Variants in YAP1 observed in about 807,000 individuals in gnomAD.
YAP1 encodes transcriptional coactivator YAP1.
In YAP1, 5 loss-of-function variants were observed where a neutral mutation model predicts 56.9. The observed-to-expected ratio is 0.09, with a 90% CI of 0.05 to 0.18. The LOEUF (loss-of-function observed/expected upper bound fraction) is 0.18. Ranked by LOEUF, YAP1 falls within the 10% of genes least tolerant of loss-of-function variation. The probability of loss-of-function intolerance (pLI) is 1.00; values close to 1 mark genes in which losing one functional copy is unlikely to be tolerated. For missense variants in YAP1, 539 were observed against 651.8 expected, an observed-to-expected ratio of 0.83 and a Z score of 1.88; for synonymous variants, 265 against 248.1, an observed-to-expected ratio of 1.07 and a Z score of -0.64.
intron 2 of YAP1, among the ~76,000 whole-genome samples, chr11:102,133,373 G>C (rs997795196): frequency 6.6e-6 from 1 of 152,080 alleles, no homozygotes; most frequent in African/African-American, 2.4e-5. Flanking sequence ...TCAGCTCACT[G>C]CAGCCTCCAC....
chr11:102,213,508 T>C (rs748969448), intron 6 of YAP1, among the ~76,000 whole-genome samples: 2 of 151,794 alleles, frequency 1.3e-5, no homozygotes, highest in African/African-American at 2.4e-5. Flanking sequence ...AAGAATTTGG[T>C]TCTTAATATC....
At chr11:102,186,362 T>C in intron 4 of YAP1, 1 of 419,122 alleles carries the variant, frequency 2.4e-6, no homozygotes, top group Non-Finnish European at 4.3e-6. Flanking sequence ...GGGAATGTCA[T>C]AATGGCCGAC....
At chr11:102,202,569 A>G (rs900786231) in intron 4 of YAP1, among the ~76,000 whole-genome samples, 1 of 152,036 alleles carries the variant, frequency 6.6e-6, no homozygotes, top group Non-Finnish European at 1.5e-5. Context: ...AAAGGGAATG[A>G]ATCAAACATT....
chr11:102,175,249 A>T (rs1308685604), intron 3 of YAP1, among the ~76,000 whole-genome samples: 1 of 152,024 alleles, frequency 6.6e-6, no homozygotes, highest in Non-Finnish European at 1.5e-5. Flanking sequence ...AAAATACAAA[A>T]ATTAGCCGGG....
chr11:102,162,387 C>T (rs1287875918), intron 2 of YAP1, 69 bp from the exon 3 acceptor site: 1 of 1,353,498 alleles, frequency 7.4e-7, no homozygotes, highest in Non-Finnish European at 1.1e-6. Flanking sequence ...TGATTATGAG[C>T]CCACAAGATA....
At chr11:102,190,320 C>T (rs1342228403) in intron 4 of YAP1, among the ~76,000 whole-genome samples, 3 of 152,088 alleles carry the variant, frequency 2.0e-5, no homozygotes, top group Non-Finnish European at 2.9e-5. Context: ...ATAAAAAGAG[C>T]TATTGCGAGC....
rs1463323578 is a variant in YAP1, at chr11:102,231,790, G to T, written c.*1850G>T. ...TAACAGGCATAAAATCTCTTCTCCT[G>T]GCAAAAGCTGCTATGAAAAGCCTCA... On this transcript the variant is annotated 3_prime_UTR_variant, in exon 9 of 9. Coordinates refer to ENST00000282441, the MANE Select transcript of YAP1 (RefSeq NM_001130145.3). 1 of 152,492 alleles carries T rather than the reference G, an allele frequency of 6.6e-6. No homozygotes were observed. Among genetic ancestry groups the T allele is most frequent in the Non-Finnish European group, 1.5e-5 (1 of 67,996 alleles). 9.4% of individuals were successfully genotyped at this position (152,492 alleles called of 1,614,324 possible). A position where few individuals can be genotyped will look rare whatever the true frequency, so the allele number is the denominator to read the frequency against.
chr11:102,201,975 A>G (rs1018015886), intron 4 of YAP1, among the ~76,000 whole-genome samples: 1 of 152,042 alleles, frequency 6.6e-6, no homozygotes, highest in African/African-American at 2.4e-5. Context: ...GCAAACAAGG[A>G]AGTAGAACAA....
chr11:102,165,927 T>A (rs1452028622), intron 3 of YAP1, among the ~76,000 whole-genome samples: 1 of 152,178 alleles, frequency 6.6e-6, no homozygotes, highest in Non-Finnish European at 1.5e-5. Context: ...GGTGTGGAGA[T>A]GATGTTTGTT....
At chr11:102,173,495 A>G (rs929500879) in intron 3 of YAP1, among the ~76,000 whole-genome samples, 1 of 152,196 alleles carries the variant, frequency 6.6e-6, no homozygotes, top group Admixed American at 6.5e-5. Context: ...AATGTTTAAT[A>G]TATCATTGGA....
chr11:102,173,755 C>T (rs577589816), intron 3 of YAP1, among the ~76,000 whole-genome samples: 4 of 152,268 alleles, frequency 2.6e-5, no homozygotes, highest in Admixed American at 2.0e-4. Context: ...CCTTTATAGT[C>T]TCTAAACTAT....
rs369036905 is a variant in YAP1 at position 102,123,921 on chromosome 11, C to G, written c.572+9527C>G. Among the ~76,000 whole-genome samples the G allele has an allele frequency of 1.7e-4, 26 of 151,640 alleles. No homozygotes were observed. In the East Asian group the frequency reaches 2.5e-3, roughly 15 times the overall value. On this transcript the variant is annotated intron_variant, in intron 2 of 8. Coordinates refer to ENST00000282441, the MANE Select transcript of YAP1 (RefSeq NM_001130145.3). ...GGATTACAGGTGTGAGCCACCATGC[C>G]CGGCCACTCCATTTTCTTTTTCTTT...
At chr11:102,125,379 T>C (rs1943970402) in intron 2 of YAP1, among the ~76,000 whole-genome samples, 1 of 22,728 alleles carries the variant, frequency 4.4e-5, no homozygotes, top group East Asian at 1.3e-3. Context: ...TTTTCTTTTC[T>C]TTTTTTTTTT....
intron 2 of YAP1, among the ~76,000 whole-genome samples, chr11:102,145,375 T>G (rs1346160935): frequency 6.6e-6 from 1 of 152,088 alleles, no homozygotes. Context: ...CTTTAAAGAG[T>G]TCATGAAGGA....
At chr11:102,160,594 GA>G (rs1240089872) in intron 2 of YAP1, among the ~76,000 whole-genome samples, 10 of 152,138 alleles carry the variant, frequency 6.6e-5, no homozygotes, top group African/African-American at 2.4e-4. Flanking sequence ...TATCATTTTA[GA>G]AAAACCGTTT....
At chr11:102,222,842 A>G (rs1394128330) in intron 6 of YAP1, among the ~76,000 whole-genome samples, 1 of 149,738 alleles carries the variant, frequency 6.7e-6, no homozygotes, top group Non-Finnish European at 1.5e-5. Context: ...TAGTAAAATC[A>G]TCAGATGCTA....
chr11:102,145,658 A>G (rs1213349304), intron 2 of YAP1, among the ~76,000 whole-genome samples: 1 of 152,264 alleles, frequency 6.6e-6, no homozygotes, highest in African/African-American at 2.4e-5. Flanking sequence ...TTTGTGAGGC[A>G]GTAAATGTAA....
At chr11:102,205,587 T>G (rs558370056) in intron 4 of YAP1, among the ~76,000 whole-genome samples, 1 of 151,420 alleles carries the variant, frequency 6.6e-6, no homozygotes, top group African/African-American at 2.4e-5. Context: ...CCCCACCCCG[T>G]TTTTTTTAAA....
chr11:102,123,905 G>A (rs1943861992), intron 2 of YAP1, among the ~76,000 whole-genome samples: 1 of 151,130 alleles, frequency 6.6e-6, no homozygotes, highest in African/African-American at 2.4e-5. Flanking sequence ...GGGATTACAG[G>A]TGTGAGCCAC....
Sources: gnomAD v4.1 joint callset for allele counts (sites outside exome capture counted in the v4.1 genomes callset) on GRCh38, gnomAD v4.1.1 for gene constraint, MANE v1.5 for transcripts, NCBI Gene and HGNC (gene_info 2026-07-23, HGNC 2026-07-21) for gene names.